LRP5: variants seen among roughly 807,000 people sequenced by gnomAD.
LRP5 encodes low-density lipoprotein receptor-related protein 5.
A neutral mutation model predicts 154.1 loss-of-function variants in LRP5; 62 were observed. The observed-to-expected ratio is 0.40, with a 90% CI of 0.33 to 0.50. LRP5 has a LOEUF of 0.50. Ranked by LOEUF, LRP5 falls within the 20% of genes least tolerant of loss-of-function variation. The pLI is 0.55. For missense variants in LRP5, 1,915 were observed against 2,336.7 expected, an observed-to-expected ratio of 0.82 and a Z score of 3.72; for synonymous variants, 966 against 1,011.5, an observed-to-expected ratio of 0.96 and a Z score of 0.85.
chr11:68,387,439 T>G (rs1425410208), intron 6 of LRP5, among the ~76,000 whole-genome samples: 2 of 152,172 alleles, frequency 1.3e-5, no homozygotes, highest in South Asian at 2.1e-4. Context: ...TTGAACACTT[T>G]GCACACCATG....
chr11:68,414,918 A>G (rs1031363438), intron 12 of LRP5, among the ~76,000 whole-genome samples: 2 of 152,110 alleles, frequency 1.3e-5, no homozygotes, highest in African/African-American at 4.8e-5. Flanking sequence ...GTTGCTCACC[A>G]TCCCTCCCTG....
upstream of LRP5, among the ~76,000 whole-genome samples, chr11:68,309,255 C>A (rs1320274005): frequency 7.2e-6 from 1 of 138,686 alleles, no homozygotes; most frequent in Non-Finnish European, 1.6e-5. Context: ...TTTTTAGAGA[C>A]GGAGTCTTGC....
rs7122741 is a variant in LRP5, at chr11:68,364,043, G to A, written c.883+100G>A. Reference sequence around the variant, plus strand: ...AGGATGCGGGGGCGTGGGGGTGCGCGGGCGTGGGTGGGGTGGGGGGGCAGG... The same window carrying A: ...AGGATGCGGGGGCGTGGGGGTGCGCAGGCGTGGGTGGGGTGGGGGGGCAGG... On this transcript the variant is annotated intron_variant, in intron 4 of 22. Coordinates refer to ENST00000294304, the MANE Select transcript of LRP5 (RefSeq NM_002335.4). The A allele has an allele frequency of 0.013, 6,390 of 483,948 alleles. 512 individuals are homozygous for A. The African/African-American group carries it at 0.13, about 10-fold the overall frequency. 30.0% of individuals were successfully genotyped at this position (483,948 alleles called of 1,614,324 possible). A position where few individuals can be genotyped will look rare whatever the true frequency, so the allele number is the denominator to read the frequency against.
At chr11:68,340,277 A>C (rs924320278) in intron 1 of LRP5, among the ~76,000 whole-genome samples, 1 of 152,094 alleles carries the variant, frequency 6.6e-6, no homozygotes, top group South Asian at 2.1e-4. Context: ...AGGAATGATC[A>C]CTTCCTGTTT....
At chr11:68,303,726 C>T in the LRP5 span, among the ~76,000 whole-genome samples, 1 of 152,220 alleles carries the variant, frequency 6.6e-6, no homozygotes, top group South Asian at 2.1e-4. Context: ...ATCTCCTGAT[C>T]TCGTGATCTG....
intron 7 of LRP5, among the ~76,000 whole-genome samples, chr11:68,399,064 T>C (rs2153160527): frequency 6.6e-6 from 1 of 152,284 alleles, no homozygotes; most frequent in Non-Finnish European, 1.5e-5. Context: ...TGGTAGTGTG[T>C]GCCTCTAGCG....
chr11:68,373,706 C>A (rs972477344), intron 5 of LRP5, among the ~76,000 whole-genome samples: 3 of 152,214 alleles, frequency 2.0e-5, no homozygotes, highest in Non-Finnish European at 4.4e-5. Flanking sequence ...CAGCTGGCTT[C>A]GGTTTCTGCC....
intron 7 of LRP5, among the ~76,000 whole-genome samples, chr11:68,394,003 C>G (rs2098647813): frequency 2.0e-5 from 3 of 152,108 alleles, no homozygotes; most frequent in South Asian, 2.1e-4. Flanking sequence ...TCATGTCACA[C>G]AGCGAGCAGG....
chr11:68,362,922 G>C (rs1205799647), intron 3 of LRP5, among the ~76,000 whole-genome samples: 1 of 151,786 alleles, frequency 6.6e-6, no homozygotes, highest in Non-Finnish European at 1.5e-5. Flanking sequence ...AGCCTGTCAC[G>C]GGGCGAGGGT....
intron 1 of LRP5, among the ~76,000 whole-genome samples, chr11:68,345,509 A>T (rs1037164311): frequency 2.0e-5 from 3 of 150,930 alleles, no homozygotes; most frequent in Non-Finnish European, 4.4e-5. Context: ...CTGGTCTCGA[A>T]CTCCTGACCT....
intron 19 of LRP5, among the ~76,000 whole-genome samples, chr11:68,437,633 G>C (rs1033228746): frequency 6.6e-6 from 1 of 152,244 alleles, no homozygotes; most frequent in African/African-American, 2.4e-5. Context: ...GACCTGGGCT[G>C]AGAGCTCCTC....
intron 6 of LRP5, among the ~76,000 whole-genome samples, chr11:68,387,881 T>A (rs1316355779): frequency 6.6e-6 from 1 of 151,958 alleles, no homozygotes; most frequent in Non-Finnish European, 1.5e-5. Context: ...GAAGGTGAAG[T>A]AACTTGCCCA....
intron 1 of LRP5, among the ~76,000 whole-genome samples, chr11:68,343,125 C>G (rs1247614308): frequency 6.6e-6 from 1 of 152,264 alleles, no homozygotes; most frequent in Admixed American, 6.5e-5. Flanking sequence ...GGGCCAGCGT[C>G]TGCCTGGTGA....
upstream of LRP5, among the ~76,000 whole-genome samples, chr11:68,312,394 G>C (rs1487335061): frequency 6.6e-6 from 1 of 150,982 alleles, no homozygotes; most frequent in Non-Finnish European, 1.5e-5. Flanking sequence ...CAAGCCTCCC[G>C]GAGGCACCTC....
chr11:68,416,625 C>A, intron 13 of LRP5, 98 bp downstream of exon 13: 1 of 1,138,630 alleles, frequency 8.8e-7, no homozygotes, highest in Non-Finnish European at 1.3e-6. Flanking sequence ...AGGGAGGAAA[C>A]AGAGGATGGC....
At chr11:68,414,399 C>T (rs558573615) in intron 12 of LRP5, among the ~76,000 whole-genome samples, 7 of 152,230 alleles carry the variant, frequency 4.6e-5, no homozygotes, top group Admixed American at 1.3e-4. Context: ...ACAAGGAACC[C>T]GATGCACAGA....
the LRP5 span, among the ~76,000 whole-genome samples, chr11:68,306,749 G>A: frequency 9.2e-5 from 14 of 152,208 alleles, no homozygotes; most frequent in African/African-American, 3.1e-4. Flanking sequence ...TTTCACTGCA[G>A]ATTATTTTTC....
At chr11:68,369,733 C>T (rs909486505) in intron 5 of LRP5, among the ~76,000 whole-genome samples, 15 of 152,268 alleles carry the variant, frequency 9.9e-5, no homozygotes, top group Admixed American at 9.1e-4. Flanking sequence ...GGCTCCCTCA[C>T]GTATCAGAGT....
intron 1 of LRP5, among the ~76,000 whole-genome samples, chr11:68,342,483 C>T (rs966567872): frequency 1.3e-5 from 2 of 152,202 alleles, no homozygotes. Context: ...GGGCAGGGGC[C>T]ACCCACACAG....
Sources: gnomAD v4.1 joint callset for allele counts (sites outside exome capture counted in the v4.1 genomes callset) on GRCh38, gnomAD v4.1.1 for gene constraint, MANE v1.5 for transcripts, NCBI Gene and HGNC (gene_info 2026-07-23, HGNC 2026-07-21) for gene names.